The following ADGRG6 variants were observed in gnomAD, a reference collection of about 807,000 sequenced individuals.
ADGRG6 encodes the protein G-protein coupled receptor 126.
ADGRG6 carries 84 observed loss-of-function variants against 142.4 expected under a neutral mutation model. The ratio of observed to expected loss-of-function variants is 0.59; its 90% CI spans 0.49 to 0.71. The LOEUF (loss-of-function observed/expected upper bound fraction) is 0.71. Among genes scored for constraint, ADGRG6 ranks in the 30% least tolerant of loss-of-function variants. ADGRG6 has a pLI of 0.00. For missense variants in ADGRG6, 1,367 were observed against 1,466.6 expected (o/e 0.93, Z 1.11); for synonymous variants, 521 against 520.5 (o/e 1.00, Z -0.01).
rs117541893 is a variant in ADGRG6, at chr6:142,392,980, G to A, written c.1341G>A (p.Thr447=). 8.1e-4 allele frequency: 1,279 copies of A among 1,582,626 alleles called. 24 individuals carry two copies. In the East Asian group the frequency reaches 0.023, roughly 28 times the overall value. The change falls in exon 8 of 25, where the codon ACG becomes ACA. Residue 447 remains threonine (T), a synonymous_variant. Transcript: ENST00000367609. ...LNSTFQNWNY[T]VYVVNISFHL... ...CAACCTTCCAAAATTGGAACTACAC[G>A]GTTTATGTCGTTAATATCAGGTAAG...
At position 142,309,604 on chromosome 6, in the gene ADGRG6, G is replaced by A; in HGVS notation, c.63G>A (p.Leu21=). 6.2e-7 allele frequency: 1 copy of A among 1,607,688 alleles called. No homozygotes were observed. The highest frequency in any genetic ancestry group is 8.5e-7 in the Non-Finnish European group (1 of 1,176,464). ...GGAAATGGAAGCCCAGTCCTCTCCT[G>A]TTCTTATTTGCTTTATATATCATGT... is the stretch of plus-strand genomic sequence containing the variant. ...CHWKWKPSPL[L]FLFALYIMCV... Residue 21 remains leucine, a synonymous_variant, in exon 2 of 25, where the codon CTG becomes CTA. Coordinates refer to ENST00000367609, the MANE Select transcript of ADGRG6 (RefSeq NM_198569.3).
At position 142,302,238 on chromosome 6, in the gene ADGRG6, G is replaced by A. The variant is rs1777257080; in HGVS notation, c.-92G>A. 5 of 1,494,748 alleles carry A rather than the reference G, an allele frequency of 3.3e-6. No individual in the cohort carries two copies. Among genetic ancestry groups the A allele is most frequent in the Non-Finnish European group, 4.6e-6 (5 of 1,093,370 alleles). The allele number at this position is 1,494,748 out of a possible 1,614,324, so 92.6% of individuals were successfully genotyped here. A position where few individuals can be genotyped will look rare whatever the true frequency, so the allele number is the denominator to read the frequency against. Reference sequence around the variant, plus strand: ...CCGCGGCGCAGGGCTGGGGCGCCTGGGTTCCCCCTGGGTGGAGCAGCGGCA... The same window carrying A: ...CCGCGGCGCAGGGCTGGGGCGCCTGAGTTCCCCCTGGGTGGAGCAGCGGCA... On this transcript the variant is annotated 5_prime_UTR_variant, in exon 1 of 25. Transcript: ENST00000367609.
chr6:142,403,139 G>A (rs1775619833), intron 13 of ADGRG6, among the ~76,000 whole-genome samples: 1 of 151,920 alleles, frequency 6.6e-6, no homozygotes, highest in Non-Finnish European at 1.5e-5. Context: ...GACCAGTAGA[G>A]TTATGCATAA....
In ADGRG6 at chr6:142,370,802, G is replaced by A; in HGVS notation, c.1069+9G>A. ...AAGCAACCTAAGCTGTGGTGAGTTTGTAGCGTATTCCTTTTTTTTTTTTTT... is the reference window on the plus strand; with the variant it reads ...AAGCAACCTAAGCTGTGGTGAGTTTATAGCGTATTCCTTTTTTTTTTTTTT... On this transcript the variant is annotated intron_variant, in intron 4 of 24. Transcript: ENST00000367609. 1 of 1,555,372 alleles carries A rather than the reference G, an allele frequency of 6.4e-7. No homozygotes were observed. Among genetic ancestry groups the A allele is most frequent in the Non-Finnish European group, 8.8e-7 (1 of 1,133,896 alleles).
chr6:142,430,347 C>G (rs568450899), intron 22 of ADGRG6, among the ~76,000 whole-genome samples: 4 of 152,242 alleles, frequency 2.6e-5, no homozygotes, highest in Non-Finnish European at 4.4e-5. Flanking sequence ...TGTTTCCCCC[C>G]ACTCTACCTA....
rs762744259 is a variant in ADGRG6, at chr6:142,370,520, G to A, written c.796G>A (p.Val266Ile). ...GAATAATTCTTTGGGCTCTATTGGT[G>A]TAAATTTCAAAAGAAACTATGAAAC... ...VWNNSLGSIG[V>I]NFKRNYETVP... The change falls in exon 4 of 25, where the codon GTA becomes ATA. Residue 266 changes from valine (V) to isoleucine (I), a missense_variant. Coordinates refer to ENST00000367609, the MANE Select transcript of ADGRG6 (RefSeq NM_198569.3). 1.9e-6 allele frequency: 3 copies of A among 1,613,518 alleles called. No individual in the cohort carries two copies. Among genetic ancestry groups the A allele is most frequent in the East Asian group, 4.5e-5 (2 of 44,874 alleles).
chr6:142,421,602 A>G (rs1171175748), intron 22 of ADGRG6, among the ~76,000 whole-genome samples: 1 of 152,212 alleles, frequency 6.6e-6, no homozygotes, highest in Non-Finnish European at 1.5e-5. Flanking sequence ...TAAAAGGCAC[A>G]TTGATCTGCC....
intron 10 of ADGRG6, among the ~76,000 whole-genome samples, chr6:142,398,783 C>T (rs949465010): frequency 6.6e-6 from 1 of 152,156 alleles, no homozygotes; most frequent in Non-Finnish European, 1.5e-5. Flanking sequence ...TGAGCCTCTA[C>T]TTCATGCTGT....
chr6:142,379,636 G>A lies in ADGRG6; in HGVS notation c.1070-2315G>A, dbSNP rs532258778. ...CAAAAAATTAGCCTGGCGTGGTGACGGGCGCCTGTAGTCCCAGCTACTCGG... is the reference window on the plus strand; with the variant it reads ...CAAAAAATTAGCCTGGCGTGGTGACAGGCGCCTGTAGTCCCAGCTACTCGG... On this transcript the variant is annotated intron_variant, in intron 4 of 24. Transcript: ENST00000367609. Among the ~76,000 whole-genome samples the A allele has an allele frequency of 1.5e-3, 225 of 152,178 alleles. 1 individual carries two copies. Among genetic ancestry groups the A allele is most frequent in the African/African-American group, 5.1e-3 (212 of 41,524 alleles).
Position 142,444,296 on chromosome 6 carries a change from G to T in ADGRG6, c.*781G>T, listed in dbSNP as rs1225358101. 1 of 152,158 alleles carries T rather than the reference G, an allele frequency of 6.6e-6. No homozygotes were observed. The highest frequency in any genetic ancestry group is 2.4e-5 in the African/African-American group (1 of 41,452). The allele number at this position is 152,158 out of a possible 1,614,324, so 9.4% of individuals were successfully genotyped here. ...GACCTCCCAGGAGTTGTTTAAGAAT[G>T]AATCTCTTACACCTCTACTTTTGCC... On this transcript the variant is annotated 3_prime_UTR_variant, in exon 25 of 25. Transcript: ENST00000367609.
chr6:142,419,808 C>A lies in ADGRG6; in HGVS notation c.3036-13C>A. 1.3e-6 allele frequency: 2 copies of A among 1,579,934 alleles called. No individual in the cohort carries two copies. The highest frequency in any genetic ancestry group is 1.4e-5 in the African/African-American group (1 of 73,184). ...ATAAATCTTTTTTTCTTTCTCATTTCTTCTTTTTTAAGCTGTTGGATTCAA... is the reference window on the plus strand; with the variant it reads ...ATAAATCTTTTTTTCTTTCTCATTTATTCTTTTTTAAGCTGTTGGATTCAA... On this transcript the variant is annotated splice_polypyrimidine_tract_variant and intron_variant, in intron 21 of 24. Transcript: ENST00000367609.
chr6:142,434,961 CAT>C (rs1777406469), intron 22 of ADGRG6, among the ~76,000 whole-genome samples: 1 of 151,976 alleles, frequency 6.6e-6, no homozygotes, highest in Non-Finnish European at 1.5e-5. Context: ...AAAAATAAAA[CAT>C]GTAAGCATAA....
chr6:142,371,480 T>G (rs1248526816), intron 4 of ADGRG6, among the ~76,000 whole-genome samples: 7 of 136,070 alleles, frequency 5.1e-5, no homozygotes, highest in Admixed American at 5.0e-4. Flanking sequence ...TACTGTTTTT[T>G]TTTGTTTTTT....
In ADGRG6 at chr6:142,419,942, A is replaced by G. The variant is rs922679826; in HGVS notation, c.3157A>G (p.Lys1053Glu). The G allele has an allele frequency of 6.2e-6, 10 of 1,613,382 alleles. No individual in the cohort carries two copies. In the African/African-American group the frequency reaches 1.3e-4, roughly 22 times the overall value. Reference sequence around the variant, plus strand: ...GGTGCAGATCTGTGGGAGGAATGGCAAGAGAAGCAACCGGACCCTGAGAGA... The same window carrying G: ...GGTGCAGATCTGTGGGAGGAATGGCGAGAGAAGCAACCGGACCCTGAGAGA... ...VMVQICGRNG[K>E]RSNRTLREEV... The change falls in exon 22 of 25, where the codon AAG (lysine) becomes GAG (glutamate). Residue 1053 changes from lysine (K) to glutamate (E), a missense_variant. Physicochemically the swap from Lys to Glu is moderately conservative, Grantham distance 56 (BLOSUM62 1). This residue lies in a region of ADGRG6 where 344 missense variants were observed against 348.7 expected (regional missense o/e 0.99). Transcript: ENST00000367609.
chr6:142,339,842 C>T (rs146536966), intron 2 of ADGRG6, among the ~76,000 whole-genome samples: 212 of 152,152 alleles, frequency 1.4e-3, no homozygotes, highest in South Asian at 4.4e-3. Flanking sequence ...ACTTCAAAAA[C>T]CAGATGATTT....
intron 1 of ADGRG6, among the ~76,000 whole-genome samples, chr6:142,306,301 C>T (rs562650903): frequency 7.9e-5 from 12 of 152,218 alleles, no homozygotes; most frequent in East Asian, 1.9e-4. Context: ...GGAATCATAT[C>T]GACATTTAAA....
chr6:142,421,895 A>T (rs1030521447), intron 22 of ADGRG6, among the ~76,000 whole-genome samples: 3 of 152,326 alleles, frequency 2.0e-5, no homozygotes, highest in African/African-American at 7.2e-5. Context: ...AATTTAAATT[A>T]AAAGGCAGTG....
chr6:142,310,665 A>C, intron 2 of ADGRG6, among the ~76,000 whole-genome samples: 1 of 151,900 alleles, frequency 6.6e-6, no homozygotes, highest in East Asian at 1.9e-4. Context: ...AAGTGTTTTA[A>C]GAGTTTCAGT....
At chr6:142,377,253 AAAC>A (rs1278426853) in intron 4 of ADGRG6, among the ~76,000 whole-genome samples, 2 of 152,214 alleles carry the variant, frequency 1.3e-5, no homozygotes, top group African/African-American at 2.4e-5. Context: ...ACAAAACAAA[AAAC>A]AACAACAAAA....
Sources: allele counts gnomAD v4.1 joint callset (sites outside exome capture counted in the v4.1 genomes callset), GRCh38; gene constraint gnomAD v4.1.1; regional missense constraint gnomAD v4.1.1; transcripts MANE v1.5; gene names NCBI Gene and HGNC (gene_info 2026-07-23, HGNC 2026-07-21).